Variants in ATG2A observed in about 807,000 individuals in gnomAD.
ATG2A encodes autophagy-related protein 2 homolog A.
In ATG2A, 103 loss-of-function variants were observed where a neutral mutation model predicts 214.2. That is an observed-to-expected ratio of 0.48 (90% CI 0.41 to 0.57). The LOEUF (loss-of-function observed/expected upper bound fraction) is 0.57. Among genes scored for constraint, ATG2A ranks in the 20% least tolerant of loss-of-function variants. ATG2A has a pLI of 0.00. For synonymous variants in ATG2A, 1,160 were observed against 1,142.1 expected (o/e 1.02, Z -0.32); for missense variants, 2,312 against 2,613.2 (o/e 0.88, Z 2.51).
rs766180103 is a variant in ATG2A at position 64,902,248 on chromosome 11, C to A, written c.3904+12G>T. 2 of 1,613,038 alleles carry A rather than the reference C, an allele frequency of 1.2e-6. No homozygotes were observed. The highest frequency in any genetic ancestry group is 1.3e-5 in the African/African-American group (1 of 74,936). On this transcript the variant is annotated intron_variant, in intron 28 of 40. Coordinates refer to ENST00000377264, the MANE Select transcript of ATG2A (RefSeq NM_015104.3). ...GACTGTGTCTGCTGTCCCCACAGCA[C>A]CCCCACTTCACCTGAAGGCTGGGCC...
intron 1 of ATG2A, 25 bp from the exon 2 acceptor site, chr11:64,914,525 C>T (rs372707584): frequency 6.2e-7 from 1 of 1,607,432 alleles, no homozygotes; most frequent in Non-Finnish European, 8.5e-7. Flanking sequence ...GAGACAAAAC[C>T]AGCTCAGGGA....
At chr11:64,896,142 G>A (rs1289331570) in intron 39 of ATG2A, among the ~76,000 whole-genome samples, 1 of 152,188 alleles carries the variant, frequency 6.6e-6, no homozygotes, top group Non-Finnish European at 1.5e-5. Context: ...CAGCCTCTGC[G>A]CCTCAGATTC....
chr11:64,901,069 C>A lies in ATG2A; in HGVS notation c.4143G>T (p.Val1381=). ...CGATGGGGCCGGGATGCAGCTGTGT[C>A]ACCACAGGCTCCCCATCTCGGGGCT... ...GIPPRDGEPV[V]TQLHPGPIVV... Residue 1381 remains valine, a synonymous_variant, in exon 30 of 41, where the codon GTG becomes GTT. Coordinates refer to ENST00000377264, the MANE Select transcript of ATG2A (RefSeq NM_015104.3). The A allele has an allele frequency of 6.3e-7, 1 of 1,575,256 alleles. No individual in the cohort carries two copies.
Position 64,913,335 on chromosome 11 carries a change from C to A in ATG2A, c.657G>T (p.Pro219=), listed in dbSNP as rs375790763. The change falls in exon 5 of 41, where the codon CCG becomes CCT. Residue 219 remains proline (P), a synonymous_variant. Transcript: ENST00000377264. The surrounding 1 kb of genome is among the most constrained non-coding windows in gnomAD (Gnocchi z 4.3). ...GCAGCAGCTTGTGCAGGAAGGCAGG[C>A]GGCTGATGCACGTCCACCGGCGGCG... is the stretch of plus-strand genomic sequence containing the variant. ...SQAPPVDVHQ[P]PAFLHKLLQL... 5 of 1,606,550 alleles carry A rather than the reference C, an allele frequency of 3.1e-6. No individual in the cohort carries two copies. Among genetic ancestry groups the A allele is most frequent in the South Asian group, 1.1e-5 (1 of 89,994 alleles).
Position 64,913,523 on chromosome 11 carries a change from C to T in ATG2A, c.591-122G>A, listed in dbSNP as rs1944861646. ...CCTAGCCTGCAGAGCTGCCCCATCACACCTAGGCCGTCCTGAACCACCATG... is the reference window on the plus strand; with the variant it reads ...CCTAGCCTGCAGAGCTGCCCCATCATACCTAGGCCGTCCTGAACCACCATG... On this transcript the variant is annotated intron_variant, in intron 4 of 40. Coordinates refer to ENST00000377264, the MANE Select transcript of ATG2A (RefSeq NM_015104.3). This position sits in a 1 kb window ranked among gnomAD's most constrained non-coding sequence, Gnocchi z 4.3. 3.1e-6 allele frequency: 4 copies of T among 1,293,168 alleles called. No individual in the cohort carries two copies. The highest frequency in any genetic ancestry group is 2.8e-4 in the Middle Eastern group (1 of 3,624). The allele number at this position is 1,293,168 out of a possible 1,614,324, so 80.1% of individuals were successfully genotyped here. A position where few individuals can be genotyped will look rare whatever the true frequency, so the allele number is the denominator to read the frequency against.
chr11:64,895,298 C>G lies in ATG2A; in HGVS notation c.5572G>C (p.Val1858Leu), dbSNP rs759096270. The G allele has an allele frequency of 6.2e-7, 1 of 1,613,422 alleles. No individual in the cohort carries two copies. Among genetic ancestry groups the G allele is most frequent in the Non-Finnish European group, 8.5e-7 (1 of 1,179,896 alleles). The change falls in exon 40 of 41, where the codon GTG (valine) becomes CTG (leucine). Residue 1858 changes from valine (V) to leucine (L), a missense_variant. Physicochemically the swap from Val to Leu is conservative, Grantham distance 32. Coordinates refer to ENST00000377264, the MANE Select transcript of ATG2A (RefSeq NM_015104.3). The surrounding 1 kb of genome is among the most constrained non-coding windows in gnomAD (Gnocchi z 5.0). Reference sequence around the variant, plus strand: ...GGCGGGGGCCTGGTCACCTCTCGCACTGTGTCGTAGGCCTTGGCCACACCC... The same window carrying G: ...GGCGGGGGCCTGGTCACCTCTCGCAGTGTGTCGTAGGCCTTGGCCACACCC... ...REGVAKAYDT[V>L]REGILDTAQT...
At chr11:64,905,488 C>A (rs1183940955) in intron 24 of ATG2A, 75 bp downstream of exon 24, 2 of 1,417,912 alleles carry the variant, frequency 1.4e-6, no homozygotes, top group South Asian at 1.2e-5. Context: ...ACCGAGAGCA[C>A]CAGAGGACAC....
chr11:64,906,741 G>A lies in ATG2A; in HGVS notation c.2907C>T (p.Ser969=), dbSNP rs112366297. 70 of 1,613,608 alleles carry A rather than the reference G, an allele frequency of 4.3e-5. No individual in the cohort carries two copies. In the East Asian group the frequency reaches 1.5e-3, roughly 34 times the overall value. The change falls in exon 20 of 41, where the codon AGC becomes AGT. Residue 969 remains serine, a synonymous_variant. Transcript: ENST00000377264. ...CTGGCTGGCCACAGTACTGGGAGAC[G>A]CTGAAGAGGGTACCGTGCTCCATGT... ...VLDMEHGTLF[S]VSQYCGQPGL...
chr11:64,904,756 G>A (rs972650002), intron 24 of ATG2A, among the ~76,000 whole-genome samples: 1 of 151,648 alleles, frequency 6.6e-6, no homozygotes, highest in Admixed American at 6.6e-5. Context: ...TAAAACGTAC[G>A]CAGTCCTGTA....
chr11:64,910,853 A>C lies in ATG2A; in HGVS notation c.1568T>G (p.Leu523Arg). The C allele has an allele frequency of 6.2e-7, 1 of 1,608,836 alleles. No individual in the cohort carries two copies. The highest frequency in any genetic ancestry group is 8.5e-7 in the Non-Finnish European group (1 of 1,178,120). The change falls in exon 11 of 41, where the codon CTG becomes CGG. Residue 523 changes from leucine (L) to arginine (R), a missense_variant. Transcript: ENST00000377264. ...GGTGCCCCGGGGCCACAGACACTCC[A>C]GCACCTCCAGCTGCCCGAAGTGCAC... ...MEVHFGQLEV[L>R]ECLWPRGTSE...
At position 64,907,907 on chromosome 11, in the gene ATG2A, G is replaced by T. The variant is rs1412940774; in HGVS notation, c.2365-17C>A. The T allele has an allele frequency of 1.2e-6, 2 of 1,608,420 alleles. No homozygotes were observed. Among genetic ancestry groups the T allele is most frequent in the Admixed American group, 3.4e-5 (2 of 59,222 alleles). ...GATCACCATCTGGACAGGGTGAGGT[G>T]GAAAGAGCAGGAGAGTCATCTTAGA... On this transcript the variant is annotated splice_polypyrimidine_tract_variant and intron_variant, in intron 16 of 40. Transcript: ENST00000377264.
intron 8 of ATG2A, 30 bp downstream of exon 8, chr11:64,912,055 C>T (rs1469478969): frequency 6.2e-7 from 1 of 1,612,394 alleles, no homozygotes; most frequent in Non-Finnish European, 8.5e-7. Context: ...ACTAGCTGCC[C>T]CTCCAACCAC....
Position 64,902,073 on chromosome 11 carries a change from G to C in ATG2A, c.4008C>G (p.Ser1336Arg). 6.2e-7 allele frequency: 1 copy of C among 1,614,002 alleles called. No individual in the cohort carries two copies. The highest frequency in any genetic ancestry group is 8.5e-7 in the Non-Finnish European group (1 of 1,180,018). Residue 1336 changes from serine to arginine, a missense_variant, in exon 29 of 41, where the codon AGC (serine) becomes AGG (arginine). Ser to Arg is a moderately radical substitution (Grantham distance 110). Transcript: ENST00000377264. ...CCTTCTCCTCTGAGCATGACCCTAA[G>C]CTGCCAGCAGGGCCCCCGACAGGTG... is the stretch of plus-strand genomic sequence containing the variant. ...PSPPVGGPAGSLGSCSEEKED... is the reference protein window; with the variant it reads ...PSPPVGGPAGRLGSCSEEKED...
intron 24 of ATG2A, 60 bp downstream of exon 24, chr11:64,905,503 C>T (rs184849468): frequency 2.9e-5 from 43 of 1,496,918 alleles, no homozygotes; most frequent in East Asian, 2.3e-4. Context: ...GGACACACAG[C>T]TGGCAGGCAG....
rs1224685678 is a variant in ATG2A, at chr11:64,912,214, G to A, written c.958C>T (p.Arg320Cys). 5 of 1,613,664 alleles carry A rather than the reference G, an allele frequency of 3.1e-6. No individual in the cohort carries two copies. Among genetic ancestry groups the A allele is most frequent in the African/African-American group, 1.3e-5 (1 of 75,064 alleles). The change falls in exon 8 of 41, where the codon CGC becomes TGC. Residue 320 changes from arginine to cysteine, a missense_variant. Transcript: ENST00000377264. ...CACAGGTCTTCGGCACCTAGCGGGC[G>A]GCTCTTGTTCAGCTTGTCAGCCAGG... ...EGLADKLNKS[R>C]PLGAEDLWLI... is the part of the protein sequence containing the mutation.
At chr11:64,896,398 G>C in intron 39 of ATG2A, 64 bp downstream of exon 39, 1 of 1,520,634 alleles carries the variant, frequency 6.6e-7, no homozygotes, top group Non-Finnish European at 8.8e-7. Flanking sequence ...GAACCAGGGA[G>C]CTGTGGTGCA....
In ATG2A at chr11:64,906,647, T is replaced by G; in HGVS notation, c.2983+18A>C. On this transcript the variant is annotated intron_variant, in intron 20 of 40. Transcript: ENST00000377264. ...CCAACCCTGGACCCCAGTGGTGACCTGCCCCCAGGCCTCACACCTCGGTGG... is the reference window on the plus strand; with the variant it reads ...CCAACCCTGGACCCCAGTGGTGACCGGCCCCCAGGCCTCACACCTCGGTGG... The G allele has an allele frequency of 1.2e-6, 2 of 1,613,056 alleles. No homozygotes were observed. The highest frequency in any genetic ancestry group is 1.7e-6 in the Non-Finnish European group (2 of 1,179,734).
intron 38 of ATG2A, 27 bp downstream of exon 38, chr11:64,896,721 C>T (rs759695622): frequency 3.0e-5 from 49 of 1,612,432 alleles, no homozygotes; most frequent in East Asian, 2.0e-4. Context: ...AAAGCAGTTT[C>T]GAGGGCTTCC....
chr11:64,900,350 G>GAT, intron 31 of ATG2A, 144 bp downstream of exon 31: 1 of 1,270,730 alleles, frequency 7.9e-7, no homozygotes, highest in Non-Finnish European at 1.1e-6. Context: ...GGACACACTC[G>GAT]ATACATCTTG....
Sources: gnomAD v4.1 joint callset for allele counts (sites outside exome capture counted in the v4.1 genomes callset) on GRCh38, gnomAD v4.1.1 for gene constraint, Gnocchi (gnomAD v3.1) non-coding constraint, MANE v1.5 for transcripts, NCBI Gene and HGNC (gene_info 2026-07-23, HGNC 2026-07-21) for gene names.